ZNF512: variants seen among roughly 807,000 people sequenced by gnomAD.
ZNF512 encodes zinc finger protein 512.
Under a neutral mutation model 77.5 loss-of-function variants are expected in ZNF512, and 25 were observed. The observed-to-expected ratio is 0.32, with a 90% CI of 0.23 to 0.45. The LOEUF is 0.45. Ranked by LOEUF, ZNF512 falls within the 20% of genes least tolerant of loss-of-function variation. The pLI, the probability that ZNF512 is intolerant of heterozygous loss-of-function variation, is 1.00. For missense variants in ZNF512, 483 were observed against 692.6 expected (o/e 0.70, Z 3.40); for synonymous variants, 246 against 239.9 (o/e 1.03, Z -0.24).
At chr2:27,594,237 G>A (rs974480852) in intron 2 of ZNF512, among the ~76,000 whole-genome samples, 6 of 148,838 alleles carry the variant, frequency 4.0e-5, no homozygotes, top group Admixed American at 6.7e-5. Context: ...GGGCAGAGGC[G>A]CTCCTCACAT....
intron 2 of ZNF512, among the ~76,000 whole-genome samples, chr2:27,588,962 T>C (rs1671456386): frequency 6.6e-6 from 1 of 152,222 alleles, no homozygotes; most frequent in Admixed American, 6.5e-5. Context: ...AGGTATATTA[T>C]GTTTTACTGA....
intron 12 of ZNF512, chr2:27,617,112 C>T: frequency 4.9e-6 from 1 of 202,230 alleles, no homozygotes; most frequent in South Asian, 9.5e-5. Flanking sequence ...TACATTGGTG[C>T]CTCTGGTGAA....
intron 10 of ZNF512, among the ~76,000 whole-genome samples, chr2:27,609,973 G>A (rs574973311): frequency 4.6e-5 from 7 of 150,680 alleles, no homozygotes; most frequent in African/African-American, 1.7e-4. Flanking sequence ...ACTGAGAGGC[G>A]GAGGTTGCAG....
At chr2:27,597,407 A>G (rs564320780) in intron 2 of ZNF512, among the ~76,000 whole-genome samples, 3 of 152,322 alleles carry the variant, frequency 2.0e-5, no homozygotes, top group South Asian at 4.1e-4. Context: ...TGAGCCACCT[A>G]GAAGAATGTC....
At chr2:27,588,313 G>A (rs191215866) in intron 2 of ZNF512, among the ~76,000 whole-genome samples, 95 of 152,122 alleles carry the variant, frequency 6.2e-4, no homozygotes, top group African/African-American at 2.2e-3. Context: ...GACAGAGCGA[G>A]ATTCCGTCTT....
intron 13 of ZNF512, 23 bp downstream of exon 13, chr2:27,617,594 G>A: frequency 1.2e-6 from 1 of 860,962 alleles, no homozygotes; most frequent in Non-Finnish European, 2.0e-6. Context: ...TAATCCTGTG[G>A]GCCTGATATG....
At chr2:27,583,373 A>G (rs1290798929) in intron 1 of ZNF512, 2 of 1,364,596 alleles carry the variant, frequency 1.5e-6, no homozygotes. Context: ...TATTCCTTTT[A>G]CATCCCCAAT....
intron 1 of ZNF512, chr2:27,583,445 A>T: frequency 6.9e-7 from 1 of 1,447,264 alleles, no homozygotes; most frequent in Non-Finnish European, 9.0e-7. Flanking sequence ...CAGGGCTTTG[A>T]GAATGGGGGA....
chr2:27,621,016 C>T lies in ZNF512; in HGVS notation c.1396-137C>T, dbSNP rs553688317. The stretch of plus-strand genomic sequence containing the variant: ...TTTCTCCATCTTAAAATATAGAATC[C>T]TGAGGTATGGTTCCATATCTGTTTC... On this transcript the variant is annotated intron_variant, in intron 13 of 13. Coordinates refer to ENST00000355467, the MANE Select transcript of ZNF512 (RefSeq NM_032434.4). 9 of 919,742 alleles carry T rather than the reference C, an allele frequency of 9.8e-6. No homozygotes were observed. In the African/African-American group the frequency reaches 1.3e-4, roughly 14 times the overall value. 57.0% of individuals were successfully genotyped at this position (919,742 alleles called of 1,614,324 possible). A position where few individuals can be genotyped will look rare whatever the true frequency, so the allele number is the denominator to read the frequency against.
chr2:27,603,410 CTT>C (rs1672211669), intron 9 of ZNF512, 103 bp downstream of exon 9: 2 of 1,215,904 alleles, frequency 1.6e-6, no homozygotes, highest in African/African-American at 3.0e-5. Context: ...TTTGTATCCT[CTT>C]TTAATCTCTG....
intron 2 of ZNF512, among the ~76,000 whole-genome samples, chr2:27,592,432 C>T (rs1054230658): frequency 1.3e-5 from 2 of 151,862 alleles, no homozygotes; most frequent in African/African-American, 4.8e-5. Context: ...TCTCCTGTCT[C>T]AGCCTCCCAA....
chr2:27,595,851 T>G (rs573238028), intron 2 of ZNF512, among the ~76,000 whole-genome samples: 1 of 152,364 alleles, frequency 6.6e-6, no homozygotes, highest in South Asian at 2.1e-4. Context: ...TCTTTTTTGT[T>G]GACAGTATTT....
chr2:27,621,263 G>A lies in ZNF512; in HGVS notation c.1506G>A (p.Arg502=). The A allele has an allele frequency of 6.2e-7, 1 of 1,614,204 alleles. No individual in the cohort carries two copies. The highest frequency in any genetic ancestry group is 8.5e-7 in the Non-Finnish European group (1 of 1,180,026). Residue 502 remains arginine, a synonymous_variant, in exon 14 of 14, where the codon AGG becomes AGA. Coordinates refer to ENST00000355467, the MANE Select transcript of ZNF512 (RefSeq NM_032434.4). ...GGAGGCAGCAGCACAGGAGCAGAAG[G>A]TCTCTAAGAAGGCGGCAGCAGCCTG... ...EKRRQQHRSR[R]SLRRRQQPGI...
chr2:27,600,881 A>C (rs1019904880), intron 6 of ZNF512, 66 bp downstream of exon 6: 52 of 1,565,706 alleles, frequency 3.3e-5, no homozygotes, highest in Middle Eastern at 1.7e-4. Flanking sequence ...TTCTTTTGCT[A>C]TGTTGGATAT....
intron 2 of ZNF512, among the ~76,000 whole-genome samples, chr2:27,592,865 A>T (rs1359892813): frequency 2.5e-4 from 37 of 149,674 alleles, no homozygotes; most frequent in Non-Finnish European, 3.0e-5. Flanking sequence ...TTGTATTTTT[A>T]GTAGTGACGG....
At chr2:27,594,114 G>C (rs1207806115) in intron 2 of ZNF512, among the ~76,000 whole-genome samples, 6 of 152,238 alleles carry the variant, frequency 3.9e-5, no homozygotes, top group African/African-American at 1.4e-4. Context: ...ACAGCGGCCA[G>C]TCAGAGGTGC....
chr2:27,586,787 G>A (rs899952886), intron 2 of ZNF512, among the ~76,000 whole-genome samples: 6 of 151,924 alleles, frequency 3.9e-5, no homozygotes, highest in Admixed American at 2.6e-4. Context: ...TCCTGTCCAC[G>A]GGCACCACTG....
chr2:27,587,804 C>T (rs759906173), intron 2 of ZNF512, among the ~76,000 whole-genome samples: 8 of 151,984 alleles, frequency 5.3e-5, no homozygotes, highest in East Asian at 1.9e-4. Context: ...GCTCACCCTC[C>T]GGAGTAGCTG....
chr2:27,590,487 C>T (rs932932360), intron 2 of ZNF512, among the ~76,000 whole-genome samples: 1 of 152,128 alleles, frequency 6.6e-6, no homozygotes, highest in Non-Finnish European at 1.5e-5. Flanking sequence ...TAGGGTATCA[C>T]TTTTTATTTT....
Sources: allele counts gnomAD v4.1 joint callset (sites outside exome capture counted in the v4.1 genomes callset), GRCh38; gene constraint gnomAD v4.1.1; transcripts MANE v1.5; gene names NCBI Gene and HGNC (gene_info 2026-07-23, HGNC 2026-07-21).